Variants in CDH4 observed in about 807,000 individuals in gnomAD.
CDH4 encodes the protein cadherin 4, also known as cadherin-4.
Under a neutral mutation model 86.0 loss-of-function variants are expected in CDH4, and 33 were observed. The observed-to-expected ratio is 0.38, with a 90% CI of 0.29 to 0.51. The LOEUF is 0.51. Ranked by LOEUF, CDH4 falls within the 20% of genes least tolerant of loss-of-function variation. The probability of loss-of-function intolerance (pLI) is 0.86; values close to 1 mark genes in which losing one functional copy is unlikely to be tolerated. For missense variants in CDH4, 1,114 were observed against 1,307.4 expected (o/e 0.85, Z 2.28); for synonymous variants, 555 against 549.4 (o/e 1.01, Z -0.14).
chr20:61,372,005 C>T (rs544791132), intron 2 of CDH4, among the ~76,000 whole-genome samples: 3 of 152,356 alleles, frequency 2.0e-5, no homozygotes, highest in South Asian at 4.1e-4. Context: ...TTTGTAAACA[C>T]GTGCACATTC....
intron 2 of CDH4, among the ~76,000 whole-genome samples, chr20:61,408,307 C>T (rs1372747967): frequency 6.6e-6 from 1 of 152,094 alleles, no homozygotes; most frequent in East Asian, 1.9e-4. Flanking sequence ...TGTCTTCCTG[C>T]CCCAGGAACA....
chr20:61,874,739 T>C (rs6121823), intron 7 of CDH4, among the ~76,000 whole-genome samples: 22,851 of 152,204 alleles, frequency 0.15, 2,118 homozygotes, highest in South Asian at 0.22. Flanking sequence ...CAGGTCTCGC[T>C]GTCTGGTCTC....
At chr20:61,258,458 G>A (rs999863344) in intron 2 of CDH4, among the ~76,000 whole-genome samples, 1 of 151,156 alleles carries the variant, frequency 6.6e-6, no homozygotes, top group African/African-American at 2.4e-5. Flanking sequence ...GTGTACCCTC[G>A]TACCACCCTC....
chr20:61,754,362 C>A lies in CDH4; in HGVS notation c.396+10573C>A, dbSNP rs74786243. Among the ~76,000 whole-genome samples the A allele has an allele frequency of 0.089, 13,579 of 152,126 alleles. 686 individuals carry two copies. Among genetic ancestry groups the A allele is most frequent in the African/African-American group, 0.11 (4,359 of 41,502 alleles). ...GGGGTCCCGCCCAGGGCTCCAAATA[C>A]CCCTGAATCCTCTTGATGCAGCCAC... On this transcript the variant is annotated intron_variant, in intron 3 of 15. Transcript: ENST00000614565. The surrounding 1 kb of genome is among the most constrained non-coding windows in gnomAD (Gnocchi z 4.7).
chr20:61,565,170 G>GGGTGGTGGTGGTGGT (rs1345477009), intron 2 of CDH4, among the ~76,000 whole-genome samples: 1 of 127,148 alleles, frequency 7.9e-6, no homozygotes, highest in Non-Finnish European at 1.7e-5. Context: ...CTTGGTGATG[G>GGGTGGTGGTGGTGGT]GGTGGTGGTG....
chr20:61,783,076 C>A lies in CDH4; in HGVS notation c.576+9894C>A, dbSNP rs184763133. Among the ~76,000 whole-genome samples, 23 of 152,252 alleles carry A rather than the reference C, an allele frequency of 1.5e-4. No individual in the cohort carries two copies. In the South Asian group the frequency reaches 4.2e-3, roughly 28 times the overall value. The stretch of plus-strand genomic sequence containing the variant: ...CTCCAGTCTGGGTAACAGAGTGAGA[C>A]CTTGTTTCAAAAAAAAAGAATTTCT... On this transcript the variant is annotated intron_variant, in intron 4 of 15. Coordinates refer to ENST00000614565, the MANE Select transcript of CDH4 (RefSeq NM_001794.5).
intron 2 of CDH4, among the ~76,000 whole-genome samples, chr20:61,490,698 CA>C (rs61286754): frequency 1.6e-4 from 24 of 146,000 alleles, no homozygotes; most frequent in South Asian, 2.2e-4. Context: ...GACTCCATCT[CA>C]AAAAAAAAAA....
chr20:61,923,155 G>A (rs2055001637), intron 9 of CDH4, among the ~76,000 whole-genome samples: 1 of 152,180 alleles, frequency 6.6e-6, no homozygotes, highest in African/African-American at 2.4e-5. Context: ...CCGCCCAGCG[G>A]GGGCTGCAGC....
At chr20:61,602,980 T>C (rs2086614649) in intron 2 of CDH4, among the ~76,000 whole-genome samples, 1 of 152,230 alleles carries the variant, frequency 6.6e-6, no homozygotes, top group Admixed American at 6.5e-5. Flanking sequence ...TCCTGCGTGA[T>C]CTGCAGGCGT....
At chr20:61,363,026 G>A (rs985064755) in intron 2 of CDH4, among the ~76,000 whole-genome samples, 2 of 152,140 alleles carry the variant, frequency 1.3e-5, no homozygotes, top group Non-Finnish European at 2.9e-5. Flanking sequence ...TCTGGACTCT[G>A]GGGTTCCCAT....
At chr20:61,296,645 T>G (rs1172140893) in intron 2 of CDH4, among the ~76,000 whole-genome samples, 1 of 152,192 alleles carries the variant, frequency 6.6e-6, no homozygotes, top group Non-Finnish European at 1.5e-5. Context: ...TTTTCCATTC[T>G]GTTCGATTTC....
chr20:61,826,045 C>T (rs1981296222), intron 4 of CDH4, among the ~76,000 whole-genome samples: 1 of 152,326 alleles, frequency 6.6e-6, no homozygotes, highest in East Asian at 1.9e-4. Flanking sequence ...CCGCAGCCTC[C>T]TCACGGTCCT....
At position 61,518,041 on chromosome 20, in the gene CDH4, C is replaced by T. The variant is rs74529025; in HGVS notation, c.170-225522C>T. On this transcript the variant is annotated intron_variant, in intron 2 of 15. Coordinates refer to ENST00000614565, the MANE Select transcript of CDH4 (RefSeq NM_001794.5). This position sits in a 1 kb window ranked among gnomAD's most constrained non-coding sequence, Gnocchi z 6.3. The stretch of plus-strand genomic sequence containing the variant: ...GATGCCTCAGCCCAGGTTACCTGAT[C>T]CCTTTTCAGGCGCTATTTTCCCCAT... Among the ~76,000 whole-genome samples the T allele has an allele frequency of 4.6e-5, 7 of 152,226 alleles. No individual in the cohort carries two copies. The highest frequency in any genetic ancestry group is 1.9e-4 in the East Asian group (1 of 5,146).
intron 7 of CDH4, among the ~76,000 whole-genome samples, chr20:61,881,862 C>A (rs1984295907): frequency 6.6e-6 from 1 of 152,232 alleles, no homozygotes; most frequent in Admixed American, 6.5e-5. Flanking sequence ...GGAAAAGGGG[C>A]CTTTGCAGGT....
At chr20:61,626,740 G>A (rs905757397) in intron 2 of CDH4, among the ~76,000 whole-genome samples, 1 of 152,202 alleles carries the variant, frequency 6.6e-6, no homozygotes, top group Non-Finnish European at 1.5e-5. Context: ...GAAGGAATGT[G>A]TAACTTGTCA....
chr20:61,299,967 G>C (rs183813371), intron 2 of CDH4, among the ~76,000 whole-genome samples: 1 of 152,308 alleles, frequency 6.6e-6, no homozygotes, highest in East Asian at 1.9e-4. Flanking sequence ...TGTAGAGGGG[G>C]GACCAGGTTT....
chr20:61,255,516 C>T (rs1161912476), intron 2 of CDH4, among the ~76,000 whole-genome samples: 2 of 152,202 alleles, frequency 1.3e-5, no homozygotes, highest in African/African-American at 2.4e-5. Context: ...TGGTCTGTTT[C>T]CCTTTCAAGA....
intron 4 of CDH4, among the ~76,000 whole-genome samples, chr20:61,784,564 GA>G (rs1203662254): frequency 1.7e-4 from 17 of 98,758 alleles, no homozygotes; most frequent in African/African-American, 6.8e-4. Context: ...GCCCCCAAGA[GA>G]AATGTAATCC....
At chr20:61,857,937 CTGTGTGTCTCTGTGTCTG>C (rs1983098071) in intron 6 of CDH4, among the ~76,000 whole-genome samples, 1 of 148,334 alleles carries the variant, frequency 6.7e-6, no homozygotes, top group East Asian at 2.0e-4. Flanking sequence ...GTGTGTCTGT[CTGTGTGTCTCTGTGTCTG>C]TGTGTGTCTC....
Sources: gnomAD v4.1 joint callset for allele counts (sites outside exome capture counted in the v4.1 genomes callset) on GRCh38, gnomAD v4.1.1 for gene constraint, Gnocchi (gnomAD v3.1) non-coding constraint, MANE v1.5 for transcripts, NCBI Gene and HGNC (gene_info 2026-07-23, HGNC 2026-07-21) for gene names.